Variants in APCDD1L observed in about 807,000 individuals in gnomAD.
APCDD1L encodes the protein APC down-regulated 1 like, also known as protein APCDD1-like.
Under a neutral mutation model 24.2 loss-of-function variants are expected in APCDD1L, and 21 were observed. The ratio of observed to expected loss-of-function variants is 0.87; its 90% CI spans 0.61 to 1.25. The LOEUF (loss-of-function observed/expected upper bound fraction) is 1.25. APCDD1L is among the 50% of genes most tolerant of loss of function. APCDD1L has a pLI of 0.00. For synonymous variants in APCDD1L, 321 were observed against 323.6 expected (o/e 0.99, Z 0.09); for missense variants, 704 against 711.7 (o/e 0.99, Z 0.12).
At chr20:58,478,402 C>T (rs183301067) in intron 1 of APCDD1L, among the ~76,000 whole-genome samples, 6 of 107,676 alleles carry the variant, frequency 5.6e-5, no homozygotes, top group Admixed American at 1.1e-4. Flanking sequence ...CTTTCTTCCT[C>T]CCTCCTTCCT....
rs367546473 is a variant in APCDD1L at position 58,485,437 on chromosome 20, T to C, written c.50-14690A>G. Among the ~76,000 whole-genome samples the C allele has an allele frequency of 1.1e-4, 17 of 152,338 alleles. No homozygotes were observed. The South Asian group carries it at 2.5e-3, about 22-fold the overall frequency. ...CATTTTTACAAGTCTAACATATGAATATTGGAAGGGAAATGACAAGTTAAT... is the reference window on the plus strand; with the variant it reads ...CATTTTTACAAGTCTAACATATGAACATTGGAAGGGAAATGACAAGTTAAT... On this transcript the variant is annotated intron_variant, in intron 1 of 3. Transcript: ENST00000371149.
At chr20:58,505,096 C>A (rs1990508222) in intron 1 of APCDD1L, among the ~76,000 whole-genome samples, 1 of 152,094 alleles carries the variant, frequency 6.6e-6, no homozygotes, top group African/African-American at 2.4e-5. Flanking sequence ...CTCATAATTC[C>A]CCCTCCCAGA....
chr20:58,483,236 G>A (rs1380405643), intron 1 of APCDD1L, among the ~76,000 whole-genome samples: 1 of 152,134 alleles, frequency 6.6e-6, no homozygotes, highest in Non-Finnish European at 1.5e-5. Context: ...CCGTGGGGAG[G>A]GTTGTCATGG....
intron 1 of APCDD1L, among the ~76,000 whole-genome samples, chr20:58,473,230 A>G (rs1371050929): frequency 6.6e-6 from 1 of 152,150 alleles, no homozygotes; most frequent in East Asian, 1.9e-4. Context: ...TCAAAAGAAA[A>G]CAAGGCTTTT....
intron 3 of APCDD1L, among the ~76,000 whole-genome samples, chr20:58,464,489 T>C (rs947794303): frequency 2.6e-5 from 4 of 152,212 alleles, no homozygotes; most frequent in African/African-American, 7.2e-5. Flanking sequence ...CATGCGTTAA[T>C]AAACAAAGCC....
intron 1 of APCDD1L, among the ~76,000 whole-genome samples, chr20:58,482,949 G>A (rs1381599154): frequency 6.6e-6 from 1 of 152,216 alleles, no homozygotes; most frequent in Non-Finnish European, 1.5e-5. Context: ...TTGCAGAGCA[G>A]AGAGGCATCT....
intron 1 of APCDD1L, among the ~76,000 whole-genome samples, chr20:58,502,057 T>A (rs1248076386): frequency 1.3e-5 from 2 of 152,166 alleles, no homozygotes; most frequent in African/African-American, 4.8e-5. Flanking sequence ...CCCTTTCTCC[T>A]CTCCTCTCAC....
intron 1 of APCDD1L, among the ~76,000 whole-genome samples, chr20:58,476,796 C>G (rs752808550): frequency 8.5e-5 from 13 of 152,236 alleles, no homozygotes; most frequent in Non-Finnish European, 1.5e-4. Context: ...CCGTGCTTTT[C>G]CACTGTGAGT....
In APCDD1L at chr20:58,478,039, C is replaced by T. The variant is rs571829960; in HGVS notation, c.50-7292G>A. 8.5e-5 allele frequency among the ~76,000 whole-genome samples: 13 copies of T among 152,264 alleles called. No individual in the cohort carries two copies. The South Asian group carries it at 1.0e-3, about 12-fold the overall frequency. On this transcript the variant is annotated intron_variant, in intron 1 of 3. Coordinates refer to ENST00000371149, the MANE Select transcript of APCDD1L (RefSeq NM_153360.3). ...CTCCTGAATATTTATTTTACTTTAT[C>T]GGTTATAACACATTACTATCATTAT...
At chr20:58,512,479 C>G (rs1194923101) in intron 1 of APCDD1L, among the ~76,000 whole-genome samples, 1 of 152,132 alleles carries the variant, frequency 6.6e-6, no homozygotes, top group Non-Finnish European at 1.5e-5. Context: ...CTAAGCACCC[C>G]AAAATGCACA....
chr20:58,476,775 A>G (rs1214339533), intron 1 of APCDD1L, among the ~76,000 whole-genome samples: 1 of 152,060 alleles, frequency 6.6e-6, no homozygotes, highest in Non-Finnish European at 1.5e-5. Context: ...CAGATCATCC[A>G]CCCCATCCCA....
At chr20:58,500,036 G>A (rs1263264406) in intron 1 of APCDD1L, among the ~76,000 whole-genome samples, 1 of 152,066 alleles carries the variant, frequency 6.6e-6, no homozygotes, top group Non-Finnish European at 1.5e-5. Flanking sequence ...TTCAAATAGA[G>A]CTGGAGCCTA....
At chr20:58,498,891 C>A (rs530031173) in intron 1 of APCDD1L, among the ~76,000 whole-genome samples, 1 of 152,362 alleles carries the variant, frequency 6.6e-6, no homozygotes, top group African/African-American at 2.4e-5. Context: ...ACCTGCCTCA[C>A]ATCTCTTCCT....
chr20:58,499,460 G>A (rs1415092453), intron 1 of APCDD1L, among the ~76,000 whole-genome samples: 2 of 152,182 alleles, frequency 1.3e-5, no homozygotes, highest in Non-Finnish European at 2.9e-5. Context: ...ATAACCCTCA[G>A]CCTCCAGTTT....
intron 1 of APCDD1L, among the ~76,000 whole-genome samples, chr20:58,483,043 G>T (rs8119111): frequency 0.018 from 2,775 of 152,290 alleles, 85 homozygotes; most frequent in African/African-American, 0.064. Context: ...AAAGAGAAGA[G>T]GGGCCTCCAG....
At chr20:58,499,957 T>A (rs1284498472) in intron 1 of APCDD1L, among the ~76,000 whole-genome samples, 1 of 152,202 alleles carries the variant, frequency 6.6e-6, no homozygotes, top group African/African-American at 2.4e-5. Flanking sequence ...GTGTGCCTAC[T>A]ACAGACTGGG....
At chr20:58,510,050 C>T (rs1990598354) in intron 1 of APCDD1L, among the ~76,000 whole-genome samples, 2 of 149,864 alleles carry the variant, frequency 1.3e-5, no homozygotes, top group Admixed American at 1.3e-4. Flanking sequence ...GTTCTGCCTC[C>T]TCCTCATTCA....
At chr20:58,498,436 A>T (rs1490371089) in intron 1 of APCDD1L, among the ~76,000 whole-genome samples, 1 of 152,214 alleles carries the variant, frequency 6.6e-6, no homozygotes, top group Non-Finnish European at 1.5e-5. Flanking sequence ...CTGATTAACA[A>T]GGATATAATT....
chr20:58,493,262 T>A (rs1043292727), intron 1 of APCDD1L, among the ~76,000 whole-genome samples: 1 of 152,242 alleles, frequency 6.6e-6, no homozygotes, highest in Non-Finnish European at 1.5e-5. Flanking sequence ...CTATGAGACA[T>A]CCACTCCCAA....
Sources: allele counts gnomAD v4.1 joint callset (sites outside exome capture counted in the v4.1 genomes callset), GRCh38; gene constraint gnomAD v4.1.1; transcripts MANE v1.5; gene names NCBI Gene and HGNC (gene_info 2026-07-23, HGNC 2026-07-21).